Variants in MTA3 observed in about 807,000 individuals in gnomAD.
MTA3 encodes metastasis-associated protein MTA3.
A neutral mutation model predicts 83.5 loss-of-function variants in MTA3; 34 were observed. The observed-to-expected ratio is 0.41, with a 90% CI of 0.31 to 0.54. The LOEUF is 0.54. Among genes scored for constraint, MTA3 ranks in the 20% least tolerant of loss-of-function variants. The probability of loss-of-function intolerance (pLI) is 0.33; values close to 1 mark genes in which losing one functional copy is unlikely to be tolerated. For synonymous variants in MTA3, 303 were observed against 252.7 expected, an observed-to-expected ratio of 1.20 and a Z score of -1.89; for missense variants, 761 against 726.4, an observed-to-expected ratio of 1.05 and a Z score of -0.55.
intron 2 of MTA3, 87 bp from the exon 3 acceptor site, chr2:42,579,020 T>C: frequency 1.2e-6 from 1 of 841,400 alleles, no homozygotes; most frequent in South Asian, 1.9e-5. Flanking sequence ...AGCATGATCA[T>C]ATAATTGTGC....
intron 6 of MTA3, among the ~76,000 whole-genome samples, chr2:42,650,916 A>G (rs1184947052): frequency 6.6e-6 from 1 of 152,226 alleles, no homozygotes; most frequent in Non-Finnish European, 1.5e-5. Flanking sequence ...AATGACAGCA[A>G]TACATTCTGA....
intron 16 of MTA3, among the ~76,000 whole-genome samples, chr2:42,742,822 C>T (rs1216515496): frequency 1.3e-5 from 2 of 152,112 alleles, no homozygotes; most frequent in African/African-American, 4.8e-5. Context: ...CAGTACCTTC[C>T]TTATAACTAT....
chr2:42,647,468 CT>C lies in MTA3; in HGVS notation c.499+3225del, dbSNP rs1688323273. ...TCTTGAAGTCCTGACTTCAAGCGAT[CT>C]GTCCACCTTGGCCTCCCAAAGTGCT... On this transcript the variant is annotated intron_variant, in intron 6 of 16. Transcript: ENST00000405094. Among the ~76,000 whole-genome samples, 4 of 152,108 alleles carry C rather than the reference CT, an allele frequency of 2.6e-5. No individual in the cohort carries two copies. The South Asian group carries it at 8.3e-4, about 32-fold the overall frequency.
At chr2:42,612,758 G>C (rs1684381467) in intron 4 of MTA3, among the ~76,000 whole-genome samples, 1 of 152,124 alleles carries the variant, frequency 6.6e-6, no homozygotes, top group South Asian at 2.1e-4. Flanking sequence ...CTACTCTGGA[G>C]GCTGAGGCAG....
At chr2:42,514,359 C>A (rs796882494) in intron 2 of MTA3, among the ~76,000 whole-genome samples, 9 of 151,990 alleles carry the variant, frequency 5.9e-5, no homozygotes, top group Non-Finnish European at 8.8e-5. Flanking sequence ...AAATATTTTT[C>A]TTTCTTTTTG....
chr2:42,716,017 G>C (rs972757771), intron 14 of MTA3, among the ~76,000 whole-genome samples: 5 of 152,192 alleles, frequency 3.3e-5, no homozygotes, highest in African/African-American at 4.8e-5. Context: ...TCAATGGTTT[G>C]GCAGGCGTTT....
intron 9 of MTA3, 137 bp downstream of exon 9, chr2:42,682,726 A>G (rs1477153710): frequency 9.2e-6 from 7 of 763,544 alleles, no homozygotes; most frequent in Non-Finnish European, 1.5e-5. Flanking sequence ...AATGAAGGTT[A>G]GTCTTGTAAA....
At chr2:42,738,913 GAC>G (rs1668811475) in intron 16 of MTA3, among the ~76,000 whole-genome samples, 1 of 152,134 alleles carries the variant, frequency 6.6e-6, no homozygotes. Flanking sequence ...ATTTTGGTCA[GAC>G]CGGTTGATCT....
chr2:42,717,172 A>G (rs1667092258), intron 14 of MTA3, among the ~76,000 whole-genome samples: 1 of 145,074 alleles, frequency 6.9e-6, no homozygotes, highest in Non-Finnish European at 1.5e-5. Context: ...GCTAGAACTC[A>G]TAAAAACCTA....
At chr2:42,515,902 G>A (rs1233217764) in intron 2 of MTA3, among the ~76,000 whole-genome samples, 6 of 149,498 alleles carry the variant, frequency 4.0e-5, no homozygotes, top group Non-Finnish European at 5.9e-5. Flanking sequence ...GTGCAGTGGT[G>A]CGATCTCGGC....
At chr2:42,598,898 A>G (rs1242039565) in intron 3 of MTA3, among the ~76,000 whole-genome samples, 1 of 152,172 alleles carries the variant, frequency 6.6e-6, no homozygotes, top group Non-Finnish European at 1.5e-5. Flanking sequence ...AGTGGGTACC[A>G]CTGGAGGCTT....
intron 2 of MTA3, among the ~76,000 whole-genome samples, chr2:42,549,220 ATATAT>A (rs1676955616): frequency 7.4e-6 from 1 of 135,342 alleles, no homozygotes; most frequent in Non-Finnish European, 1.5e-5. Context: ...TTATATTTGT[ATATAT>A]TATATATGTA....
chr2:42,695,989 A>T (rs184897253), intron 10 of MTA3, 150 bp downstream of exon 10: 11 of 552,772 alleles, frequency 2.0e-5, no homozygotes, highest in African/African-American at 1.9e-4. Flanking sequence ...TATCTTTAGG[A>T]TATTATTTAA....
At chr2:42,667,584 G>GTGTGTGTGTGTGTT (rs1690363312) in intron 8 of MTA3, among the ~76,000 whole-genome samples, 1 of 129,332 alleles carries the variant, frequency 7.7e-6, no homozygotes, top group South Asian at 2.7e-4. Context: ...GTGTGTGTGT[G>GTGTGTGTGTGTGTT]TGTGTGTGTG....
intron 2 of MTA3, among the ~76,000 whole-genome samples, chr2:42,500,136 C>T (rs923898746): frequency 6.6e-5 from 10 of 151,830 alleles, no homozygotes; most frequent in African/African-American, 1.7e-4. Context: ...CGGTGGCTCA[C>T]GCCTATAATC....
At chr2:42,743,383 T>G (rs899151620) in intron 16 of MTA3, among the ~76,000 whole-genome samples, 1 of 152,200 alleles carries the variant, frequency 6.6e-6, no homozygotes, top group African/African-American at 2.4e-5. Flanking sequence ...TTTTCCAAAA[T>G]GACATGGCTT....
intron 16 of MTA3, among the ~76,000 whole-genome samples, chr2:42,749,608 C>T (rs934952342): frequency 7.9e-5 from 12 of 151,440 alleles, no homozygotes; most frequent in East Asian, 3.9e-4. Flanking sequence ...GCTGGAATTT[C>T]GGGTGGCCAC....
At chr2:42,689,621 G>A (rs1289188222) in intron 9 of MTA3, among the ~76,000 whole-genome samples, 1 of 151,986 alleles carries the variant, frequency 6.6e-6, no homozygotes, top group African/African-American at 2.4e-5. Context: ...TCTTCCAAAG[G>A]ATTTGTCCCT....
chr2:42,678,241 C>G (rs773277245), intron 8 of MTA3, among the ~76,000 whole-genome samples: 7 of 152,082 alleles, frequency 4.6e-5, no homozygotes, highest in Non-Finnish European at 8.8e-5. Context: ...CAACAGAAGA[C>G]TACACATGGC....
Sources: gnomAD v4.1 joint callset for allele counts (sites outside exome capture counted in the v4.1 genomes callset) on GRCh38, gnomAD v4.1.1 for gene constraint, MANE v1.5 for transcripts, NCBI Gene and HGNC (gene_info 2026-07-23, HGNC 2026-07-21) for gene names.